The following NTAQ1 variants were observed in gnomAD, a reference collection of about 807,000 sequenced individuals.
NTAQ1 encodes the protein protein N-terminal glutamine amidohydrolase.
Under a neutral mutation model 28.2 loss-of-function variants are expected in NTAQ1, and 21 were observed. That is an observed-to-expected ratio of 0.74 (90% confidence interval 0.53 to 1.07). NTAQ1 has a LOEUF of 1.07. NTAQ1 is among the 50% of genes least tolerant of loss of function. The probability of loss-of-function intolerance (pLI) is 0.00; values close to 1 mark genes in which losing one functional copy is unlikely to be tolerated. For synonymous variants in NTAQ1, 105 were observed against 90.0 expected, an observed-to-expected ratio of 1.17 and a Z score of -0.94; for missense variants, 264 against 256.6, an observed-to-expected ratio of 1.03 and a Z score of -0.20.
At chr8:123,438,366 C>T (rs1814848895) in intron 5 of NTAQ1, 1 of 541,306 alleles carries the variant, frequency 1.8e-6, no homozygotes, top group African/African-American at 1.9e-5. Flanking sequence ...GTTAGTACTT[C>T]AACAAGGGTC....
chr8:123,464,280 A>G (rs1815909830), intron 6 of NTAQ1, among the ~76,000 whole-genome samples: 1 of 152,176 alleles, frequency 6.6e-6, no homozygotes, highest in East Asian at 1.9e-4. Context: ...TGGGACAGAG[A>G]TGTGATCACG....
intron 1 of NTAQ1, among the ~76,000 whole-genome samples, chr8:123,425,388 G>T (rs1039116462): frequency 1.3e-5 from 2 of 151,832 alleles, no homozygotes; most frequent in Admixed American, 1.3e-4. Context: ...CACCATGCCC[G>T]GCCCAGTCAG....
intron 5 of NTAQ1, among the ~76,000 whole-genome samples, chr8:123,438,709 G>A (rs921802695): frequency 7.2e-5 from 11 of 151,744 alleles, no homozygotes; most frequent in Admixed American, 3.3e-4. Context: ...ATAGTTTAAC[G>A]GAAGAAAGTA....
intron 6 of NTAQ1, among the ~76,000 whole-genome samples, chr8:123,458,100 T>G: frequency 3.5e-5 from 1 of 28,408 alleles, no homozygotes; most frequent in South Asian, 1.2e-3. Context: ...CCCCTCACTG[T>G]TTTTTTTTTT....
downstream of NTAQ1, among the ~76,000 whole-genome samples, chr8:123,444,652 G>A (rs923944088): frequency 1.3e-4 from 20 of 152,158 alleles, no homozygotes; most frequent in African/African-American, 3.4e-4. Context: ...GACCACAGGT[G>A]CCCACCACTA....
rs560732956 is a variant in NTAQ1 at position 123,458,589 on chromosome 8, G to T, written c.373-8490G>T. 8.6e-5 allele frequency among the ~76,000 whole-genome samples: 13 copies of T among 151,880 alleles called. No homozygotes were observed. In the East Asian group the frequency reaches 2.5e-3, roughly 30 times the overall value. ...GCGAAGAGAGAAAACCTTTTTAGCAGATGTGTGAGACAGGAAAAATAGTTG... is the reference window on the plus strand; with the variant it reads ...GCGAAGAGAGAAAACCTTTTTAGCATATGTGTGAGACAGGAAAAATAGTTG... On this transcript the variant is annotated intron_variant, in intron 6 of 6. Transcript: ENST00000650311.
At chr8:123,464,517 G>T (rs1815915587) in intron 6 of NTAQ1, among the ~76,000 whole-genome samples, 4 of 152,206 alleles carry the variant, frequency 2.6e-5, no homozygotes, top group Admixed American at 2.6e-4. Flanking sequence ...GCATTGCCAG[G>T]CTGTGCCTCC....
At chr8:123,449,041 T>TA (rs1815386411), downstream of NTAQ1, among the ~76,000 whole-genome samples, 1 of 152,166 alleles carries the variant, frequency 6.6e-6, no homozygotes. Context: ...TGTACTCTCT[T>TA]ACTCTCTTGA....
intron 6 of NTAQ1, among the ~76,000 whole-genome samples, chr8:123,465,054 G>A (rs1815928419): frequency 6.6e-6 from 1 of 151,936 alleles, no homozygotes; most frequent in Non-Finnish European, 1.5e-5. Flanking sequence ...AAAAAGTGTG[G>A]GCCCCAGGGG....
intron 6 of NTAQ1, among the ~76,000 whole-genome samples, chr8:123,459,426 G>C (rs1815753236): frequency 6.6e-6 from 1 of 152,096 alleles, no homozygotes. Flanking sequence ...TCATCAGGTA[G>C]GCATGATGGA....
At chr8:123,427,220 T>C (rs1322998240) in intron 1 of NTAQ1, among the ~76,000 whole-genome samples, 4 of 151,470 alleles carry the variant, frequency 2.6e-5, no homozygotes, top group East Asian at 1.9e-4. Context: ...GAAAAGCAGA[T>C]TCTTGGAGAA....
intron 1 of NTAQ1, among the ~76,000 whole-genome samples, chr8:123,418,085 G>T (rs1395511968): frequency 4.6e-5 from 7 of 152,160 alleles, no homozygotes; most frequent in African/African-American, 1.7e-4. Flanking sequence ...ATACTTCTGG[G>T]CACTGGGGAT....
At chr8:123,452,623 T>C (rs1360789739), downstream of NTAQ1, among the ~76,000 whole-genome samples, 3 of 149,968 alleles carry the variant, frequency 2.0e-5, no homozygotes, top group Non-Finnish European at 4.4e-5. Context: ...TTTAAAAGGC[T>C]GGGCACGGTG....
chr8:123,468,470 A>G (rs1375580908), exon 7 of NTAQ1, among the ~76,000 whole-genome samples: 1 of 152,310 alleles, frequency 6.6e-6, no homozygotes, highest in Non-Finnish European at 1.5e-5. Context: ...TAAAGCATTT[A>G]TCTGCATTAT....
chr8:123,471,230 C>T (rs1010084336), downstream of NTAQ1, among the ~76,000 whole-genome samples: 1 of 152,136 alleles, frequency 6.6e-6, no homozygotes, highest in African/African-American at 2.4e-5. Context: ...CATGCCTTGC[C>T]TCTGCTTCCT....
chr8:123,461,089 ACTTGGTCCTGG>A (rs1815811143), intron 6 of NTAQ1, among the ~76,000 whole-genome samples: 1 of 152,188 alleles, frequency 6.6e-6, no homozygotes, highest in Admixed American at 6.5e-5. Context: ...GACCTAACAC[ACTTGGTCCTGG>A]CTTGGGCAGG....
chr8:123,470,149 G>A (rs1473639321), downstream of NTAQ1, among the ~76,000 whole-genome samples: 2 of 152,200 alleles, frequency 1.3e-5, no homozygotes, highest in Non-Finnish European at 2.9e-5. Flanking sequence ...CAAGAAGAGG[G>A]TCCTCACTAG....
intron 1 of NTAQ1, among the ~76,000 whole-genome samples, chr8:123,425,943 G>T (rs974716539): frequency 2.0e-5 from 3 of 152,124 alleles, no homozygotes; most frequent in African/African-American, 7.2e-5. Context: ...AGAATCGCTT[G>T]AATCCAGGAG....
intron 5 of NTAQ1, 26 bp downstream of exon 5, chr8:123,437,360 G>T: frequency 1.2e-6 from 2 of 1,613,234 alleles, no homozygotes; most frequent in Non-Finnish European, 1.7e-6. Flanking sequence ...TTCTCAGATG[G>T]GGGTTCTGAT....
Sources: gnomAD v4.1 joint callset for allele counts (sites outside exome capture counted in the v4.1 genomes callset) on GRCh38, gnomAD v4.1.1 for gene constraint, MANE v1.5 for transcripts, NCBI Gene and HGNC (gene_info 2026-07-23, HGNC 2026-07-21) for gene names.